Variants in ULK4 observed in about 807,000 individuals in gnomAD.
The protein encoded by ULK4 is inactive serine/threonine-protein kinase ULK4.
In ULK4, 133 loss-of-function variants were observed where a neutral mutation model predicts 160.6. The observed-to-expected ratio is 0.83, with a 90% CI of 0.72 to 0.96. ULK4 has a LOEUF of 0.96. Among genes scored for constraint, ULK4 ranks in the 40% least tolerant of loss-of-function variants. The pLI is 0.00. For missense variants in ULK4, 1,580 were observed against 1,499.5 expected, an observed-to-expected ratio of 1.05 and a Z score of -0.89; for synonymous variants, 534 against 539.8, an observed-to-expected ratio of 0.99 and a Z score of 0.15.
intron 34 of ULK4, among the ~76,000 whole-genome samples, chr3:41,448,798 G>T (rs923810448): frequency 6.6e-6 from 1 of 152,190 alleles, no homozygotes; most frequent in Non-Finnish European, 1.5e-5. Context: ...AGACAAGAAT[G>T]ATGTCCACGT....
intron 35 of ULK4, among the ~76,000 whole-genome samples, chr3:41,347,708 G>T (rs529167458): frequency 4.6e-5 from 7 of 152,056 alleles, no homozygotes; most frequent in Admixed American, 2.0e-4. Flanking sequence ...ACTCGCCATA[G>T]TGTCTCCAGA....
chr3:41,544,767 G>T (rs2086803573), intron 32 of ULK4, among the ~76,000 whole-genome samples: 1 of 152,142 alleles, frequency 6.6e-6, no homozygotes, highest in African/African-American at 2.4e-5. Context: ...TTCCAGGGAG[G>T]TATGAGACAG....
chr3:41,446,073 C>T (rs2083290213), intron 34 of ULK4, among the ~76,000 whole-genome samples: 1 of 152,142 alleles, frequency 6.6e-6, no homozygotes, highest in Non-Finnish European at 1.5e-5. Context: ...AGGATATGAA[C>T]AGACACTTCT....
At chr3:41,916,145 T>C (rs1698959930) in intron 7 of ULK4, 93 bp from the exon 8 acceptor site, 4 of 748,220 alleles carry the variant, frequency 5.3e-6, no homozygotes, top group Non-Finnish European at 8.5e-6. Context: ...AAAGCAATAG[T>C]ATTTTAAACA....
At chr3:41,370,254 G>A (rs2081336618) in intron 35 of ULK4, among the ~76,000 whole-genome samples, 2 of 151,972 alleles carry the variant, frequency 1.3e-5, no homozygotes, top group Non-Finnish European at 2.9e-5. Context: ...CAAATATTTT[G>A]GAGATGCAAT....
chr3:41,952,035 C>T (rs1308428641), intron 2 of ULK4, among the ~76,000 whole-genome samples: 1 of 152,090 alleles, frequency 6.6e-6, no homozygotes, highest in East Asian at 1.9e-4. Flanking sequence ...TTACGGAACA[C>T]CACATAGAAA....
At chr3:41,363,153 T>G (rs1057010479) in intron 35 of ULK4, among the ~76,000 whole-genome samples, 1 of 152,186 alleles carries the variant, frequency 6.6e-6, no homozygotes, top group Non-Finnish European at 1.5e-5. Flanking sequence ...GCCATGCAAT[T>G]AAGCCTAACA....
intron 32 of ULK4, among the ~76,000 whole-genome samples, chr3:41,545,217 C>G (rs142592523): frequency 6.6e-6 from 1 of 152,094 alleles, no homozygotes; most frequent in East Asian, 1.9e-4. Flanking sequence ...TAACCACATT[C>G]GCGTTCTCTC....
intron 17 of ULK4, among the ~76,000 whole-genome samples, chr3:41,870,070 G>A (rs556822635): frequency 3.3e-5 from 5 of 152,054 alleles, no homozygotes; most frequent in African/African-American, 1.2e-4. Context: ...AAGTCAGCAC[G>A]CATTCATATA....
chr3:41,549,751 C>T (rs1795362), intron 32 of ULK4, among the ~76,000 whole-genome samples: 77,518 of 151,472 alleles, frequency 0.51, 19,927 homozygotes, highest in Middle Eastern at 0.57. Flanking sequence ...ATAGTCAAAC[C>T]GTCAAAAGTC....
chr3:41,896,649 T>C (rs911258272), intron 15 of ULK4, among the ~76,000 whole-genome samples, 173 bp downstream of exon 15: 1 of 152,210 alleles, frequency 6.6e-6, no homozygotes, highest in African/African-American at 2.4e-5. Flanking sequence ...AATCACCATC[T>C]ACTGTCATCT....
chr3:41,789,762 A>T lies in ULK4; in HGVS notation c.2092T>A (p.Ser698Thr). 1 of 1,613,896 alleles carries T rather than the reference A, an allele frequency of 6.2e-7. No individual in the cohort carries two copies. The highest frequency in any genetic ancestry group is 8.5e-7 in the Non-Finnish European group (1 of 1,179,894). ...EKVGLNSVIN[S>T]LASAICKVQQ... is the part of the protein sequence containing the mutation. ...ACTTTGCAGATGGCAGAGGCCAGGGAGTTTATTACTGAGTTCAGTCCCACC... is the reference window on the plus strand; with the variant it reads ...ACTTTGCAGATGGCAGAGGCCAGGGTGTTTATTACTGAGTTCAGTCCCACC... Residue 698 changes from serine to threonine, a missense_variant, in exon 21 of 37, where the codon TCC becomes ACC. Ser to Thr is a moderately conservative substitution (Grantham distance 58, BLOSUM62 1). Transcript: ENST00000301831.
chr3:41,462,628 G>T (rs538114980), intron 33 of ULK4, among the ~76,000 whole-genome samples: 51 of 152,276 alleles, frequency 3.3e-4, no homozygotes, highest in Admixed American at 5.9e-4. Context: ...GAAAGAAAAT[G>T]AGCTTATGAG....
chr3:41,951,180 G>C (rs1299721536), intron 2 of ULK4, among the ~76,000 whole-genome samples: 1 of 127,092 alleles, frequency 7.9e-6, no homozygotes, highest in Non-Finnish European at 1.7e-5. Flanking sequence ...ACACAAATAA[G>C]TGGGAAAATA....
intron 35 of ULK4, among the ~76,000 whole-genome samples, chr3:41,353,258 T>C (rs1245267865): frequency 6.6e-6 from 1 of 152,232 alleles, no homozygotes; most frequent in Non-Finnish European, 1.5e-5. Context: ...AGCATTGACC[T>C]ACCTCACCAA....
At chr3:41,776,185 A>G (rs972028785) in intron 21 of ULK4, among the ~76,000 whole-genome samples, 2 of 151,060 alleles carry the variant, frequency 1.3e-5, no homozygotes, top group African/African-American at 2.5e-5. Context: ...TTTATCCATC[A>G]GTTTCTAATT....
At chr3:41,491,806 G>C (rs2084779257) in intron 32 of ULK4, among the ~76,000 whole-genome samples, 1 of 151,554 alleles carries the variant, frequency 6.6e-6, no homozygotes, top group Non-Finnish European at 1.5e-5. Flanking sequence ...ATGTATACAT[G>C]TGCCATGTTG....
chr3:41,435,951 C>CATAA (rs58982909), intron 34 of ULK4, among the ~76,000 whole-genome samples: 1,744 of 150,336 alleles, frequency 0.012, 29 homozygotes, highest in African/African-American at 0.039. Context: ...CCGTCTCATT[C>CATAA]ATAAATAAAT....
chr3:41,643,838 T>G (rs1196738022), intron 30 of ULK4, among the ~76,000 whole-genome samples: 1 of 152,202 alleles, frequency 6.6e-6, no homozygotes, highest in Admixed American at 6.5e-5. Flanking sequence ...GGAATGTTCT[T>G]CCATTTGTTT....
Sources: allele counts gnomAD v4.1 joint callset (sites outside exome capture counted in the v4.1 genomes callset), GRCh38; gene constraint gnomAD v4.1.1; transcripts MANE v1.5; gene names NCBI Gene and HGNC (gene_info 2026-07-23, HGNC 2026-07-21).